PPFIBP1: variants seen among roughly 807,000 people sequenced by gnomAD.
PPFIBP1 encodes PPFIB scaffold protein 1.
In PPFIBP1, 112 loss-of-function variants were observed where a neutral mutation model predicts 137.8. The ratio of observed to expected loss-of-function variants is 0.81; its 90% confidence interval spans 0.70 to 0.95. The LOEUF (loss-of-function observed/expected upper bound fraction) is 0.95. Among genes scored for constraint, PPFIBP1 ranks in the 40% least tolerant of loss-of-function variants. The pLI is 0.00. For missense variants in PPFIBP1, 1,083 were observed against 1,196.6 expected (o/e 0.91, Z 1.40); for synonymous variants, 378 against 417.3 (o/e 0.91, Z 1.15).
chr12:27,668,881 T>C (rs1467241023), intron 13 of PPFIBP1, among the ~76,000 whole-genome samples: 1 of 152,210 alleles, frequency 6.6e-6, no homozygotes, highest in Non-Finnish European at 1.5e-5. Flanking sequence ...CCTGAGGTCT[T>C]AGCAAAGGGT....
rs1187751427 is a variant in PPFIBP1, at chr12:27,688,875, A to T, written c.2497-140A>T. 1.5e-5 allele frequency: 11 copies of T among 736,422 alleles called. No individual in the cohort carries two copies. The Admixed American group carries it at 3.0e-4, about 20-fold the overall frequency. 45.6% of individuals were successfully genotyped at this position (736,422 alleles called of 1,614,324 possible). On this transcript the variant is annotated intron_variant, in intron 26 of 29. Transcript: ENST00000228425. ...ATATGTAAATTAAAGATCAAAGTCC[A>T]TATTGTGTCTACCTCACCGGGCTGT...
chr12:27,556,236 A>C (rs1391569271), intron 1 of PPFIBP1, among the ~76,000 whole-genome samples: 1 of 152,222 alleles, frequency 6.6e-6, no homozygotes, highest in Non-Finnish European at 1.5e-5. Flanking sequence ...TATTTTCCAT[A>C]GCCACCTGGG....
chr12:27,668,379 A>G (rs1441280912), intron 13 of PPFIBP1, among the ~76,000 whole-genome samples: 1 of 152,026 alleles, frequency 6.6e-6, no homozygotes, highest in African/African-American at 2.4e-5. Flanking sequence ...TGCAGTAGCC[A>G]CTCCCATTAA....
At chr12:27,559,142 A>G (rs1176769857) in intron 1 of PPFIBP1, among the ~76,000 whole-genome samples, 2 of 151,234 alleles carry the variant, frequency 1.3e-5, no homozygotes, top group African/African-American at 4.9e-5. Flanking sequence ...TGCTGGGTTT[A>G]TAGGCATTAG....
chr12:27,654,619 C>A, intron 7 of PPFIBP1, 103 bp from the exon 8 acceptor site: 1 of 1,406,128 alleles, frequency 7.1e-7, no homozygotes, highest in African/African-American at 1.5e-5. Context: ...AACTTTAACC[C>A]TAGGAGCTGG....
intron 2 of PPFIBP1, chr12:27,599,208 C>G (rs1191265117): frequency 1.0e-5 from 2 of 196,710 alleles, no homozygotes; most frequent in Admixed American, 1.1e-4. Context: ...TCTGTATGGA[C>G]TAGTATTTGA....
At position 27,576,779 on chromosome 12, in the gene PPFIBP1, G is replaced by A. The variant is rs117213351; in HGVS notation, c.-123-1373G>A. Among the ~76,000 whole-genome samples the A allele has an allele frequency of 4.4e-4, 67 of 152,288 alleles. No individual in the cohort carries two copies. In the East Asian group the frequency reaches 0.011, roughly 25 times the overall value. On this transcript the variant is annotated intron_variant, in intron 1 of 29. Transcript: ENST00000228425. ...TTCAGCTCTTTCATAAACAGCTCAA[G>A]GCACCACTTCTCCAACTAAATCTTG...
intron 2 of PPFIBP1, among the ~76,000 whole-genome samples, chr12:27,613,696 C>A (rs1263507649): frequency 7.1e-6 from 1 of 140,848 alleles, no homozygotes; most frequent in East Asian, 2.1e-4. Context: ...GAGCAAGACT[C>A]CATCTCAAAA....
chr12:27,617,481 A>G (rs2138404640), intron 2 of PPFIBP1, among the ~76,000 whole-genome samples: 1 of 152,318 alleles, frequency 6.6e-6, no homozygotes, highest in South Asian at 2.1e-4. Context: ...TACTTTGTGA[A>G]TAAAGTACAA....
intron 2 of PPFIBP1, among the ~76,000 whole-genome samples, chr12:27,580,908 C>CTTTT (rs112914040): frequency 6.8e-6 from 1 of 146,242 alleles, no homozygotes; most frequent in African/African-American, 2.5e-5. Flanking sequence ...ACATTATACT[C>CTTTT]TTTTTTTTTT....
At chr12:27,612,879 C>T (rs758677650) in intron 2 of PPFIBP1, among the ~76,000 whole-genome samples, 9 of 152,020 alleles carry the variant, frequency 5.9e-5, no homozygotes, top group African/African-American at 1.2e-4. Context: ...GTTAATAAAA[C>T]GTCTTATCCC....
rs761746359 is a variant in PPFIBP1, at chr12:27,633,428, C to A, written c.32C>A (p.Ala11Glu). 3 of 1,613,298 alleles carry A rather than the reference C, an allele frequency of 1.9e-6. No individual in the cohort carries two copies. Among genetic ancestry groups the A allele is most frequent in the East Asian group, 4.5e-5 (2 of 44,880 alleles). ...AGTGATGCAAGTGACATGTTGGCTGCAGCGTTGGAGCAGATGGATGGTATC... is the reference window on the plus strand; with the variant it reads ...AGTGATGCAAGTGACATGTTGGCTGAAGCGTTGGAGCAGATGGATGGTATC... MMSDASDMLA[A>E]ALEQMDGIIA... The change falls in exon 3 of 30, where the codon GCA (alanine) becomes GAA (glutamate). Residue 11 changes from alanine (A) to glutamate (E), a missense_variant. Physicochemically the swap from Ala to Glu is moderately radical, Grantham distance 107 (BLOSUM62 -1). Coordinates refer to ENST00000228425, the MANE Select transcript of PPFIBP1 (RefSeq NM_003622.4).
intron 2 of PPFIBP1, among the ~76,000 whole-genome samples, chr12:27,599,060 C>T (rs1221516145): frequency 2.0e-5 from 3 of 152,146 alleles, no homozygotes; most frequent in Admixed American, 6.5e-5. Context: ...GGATTTGGAA[C>T]CTAAATATAC....
chr12:27,678,856 C>CAAAAAAAAAAAAAAAAAAAAAAAAAAAAA (rs60834907), intron 19 of PPFIBP1, among the ~76,000 whole-genome samples: 1 of 98,972 alleles, frequency 1.0e-5, no homozygotes, highest in Non-Finnish European at 1.9e-5. Context: ...GACTCTGTCT[C>CAAAAAAAAAAAAAAAAAAAAAAAAAAAAA]AAAAAAAAAA....
intron 24 of PPFIBP1, among the ~76,000 whole-genome samples, chr12:27,685,919 G>A (rs1171747685): frequency 2.0e-5 from 3 of 152,130 alleles, no homozygotes; most frequent in Admixed American, 6.5e-5. Context: ...CACTCAGAAA[G>A]TCTGTTTTGA....
chr12:27,533,851 G>A (rs1315656614), intron 1 of PPFIBP1, among the ~76,000 whole-genome samples: 1 of 152,326 alleles, frequency 6.6e-6, no homozygotes, highest in Middle Eastern at 3.4e-3. Flanking sequence ...AGGATCTGCA[G>A]AGAAGTGGAG....
At chr12:27,570,861 C>T (rs111567460) in intron 1 of PPFIBP1, among the ~76,000 whole-genome samples, 1 of 151,908 alleles carries the variant, frequency 6.6e-6, no homozygotes, top group African/African-American at 2.4e-5. Flanking sequence ...TGCAGTTAGC[C>T]GAGATGGCAC....
chr12:27,656,640 C>A lies in PPFIBP1; in HGVS notation c.721C>A (p.Gln241Lys), dbSNP rs746501896. 1 of 1,610,684 alleles carries A rather than the reference C, an allele frequency of 6.2e-7. No homozygotes were observed. Among genetic ancestry groups the A allele is most frequent in the African/African-American group, 1.3e-5 (1 of 74,738 alleles). ...TKDELASLKE[Q>K]LEEKESEVKR... ...GGATGAACTGGCATCTTTAAAAGAA[C>A]AACTAGAAGAAAAGGAATCTGAAGT... is the stretch of plus-strand genomic sequence containing the variant. The change falls in exon 9 of 30, where the codon CAA becomes AAA. Residue 241 changes from glutamine to lysine, a missense_variant. Physicochemically the swap from Gln to Lys is moderately conservative, Grantham distance 53. Transcript: ENST00000228425.
intron 13 of PPFIBP1, among the ~76,000 whole-genome samples, chr12:27,668,041 T>A (rs1357971606): frequency 6.6e-6 from 1 of 152,142 alleles, no homozygotes; most frequent in Non-Finnish European, 1.5e-5. Context: ...CAACATTACA[T>A]TGTTAGGACA....
Sources: allele counts gnomAD v4.1 joint callset (sites outside exome capture counted in the v4.1 genomes callset), GRCh38; gene constraint gnomAD v4.1.1; transcripts MANE v1.5; gene names NCBI Gene and HGNC (gene_info 2026-07-23, HGNC 2026-07-21).